The following SLIT2 variants were observed in gnomAD, a reference collection of about 807,000 sequenced individuals.
The protein encoded by SLIT2 is slit guidance ligand 2, also known as slit homolog 2 protein.
In SLIT2, 41 loss-of-function variants were observed where a neutral mutation model predicts 185.7. The observed-to-expected ratio is 0.22, with a 90% CI of 0.17 to 0.29. The LOEUF is 0.29. Ranked by LOEUF, SLIT2 falls within the 10% of genes least tolerant of loss-of-function variation. The pLI is 1.00. For synonymous variants in SLIT2, 693 were observed against 680.2 expected (o/e 1.02, Z -0.29); for missense variants, 1,571 against 1,909.0 (o/e 0.82, Z 3.30).
rs1400310853 is a variant in SLIT2, at chr4:20,484,035, A to C, written c.540-2165A>C. Reference sequence around the variant, plus strand: ...TAAGATAATGTATTCCTTTAGTTGCATTATGTGAACTAACATTTTGAGAAA... The same window carrying C: ...TAAGATAATGTATTCCTTTAGTTGCCTTATGTGAACTAACATTTTGAGAAA... On this transcript the variant is annotated intron_variant, in intron 6 of 36. Coordinates refer to ENST00000504154, the MANE Select transcript of SLIT2 (RefSeq NM_004787.4). This position sits in a 1 kb window ranked among gnomAD's most constrained non-coding sequence, Gnocchi z 4.3. Among the ~76,000 whole-genome samples, 2 of 152,084 alleles carry C rather than the reference A, an allele frequency of 1.3e-5. No homozygotes were observed. The highest frequency in any genetic ancestry group is 2.9e-5 in the Non-Finnish European group (2 of 67,990).
chr4:20,502,680 T>C (rs886953692), intron 9 of SLIT2, among the ~76,000 whole-genome samples: 4 of 151,710 alleles, frequency 2.6e-5, no homozygotes, highest in African/African-American at 7.3e-5. Flanking sequence ...AATGATAGAG[T>C]AGTGTGTTTT....
At chr4:20,392,887 C>G (rs1398762027) in intron 4 of SLIT2, among the ~76,000 whole-genome samples, 1 of 151,992 alleles carries the variant, frequency 6.6e-6, no homozygotes. Flanking sequence ...CCTGAAGAAC[C>G]TGCTTGAGGC....
rs186646273 is a variant in SLIT2, at chr4:20,426,742, A to G, written c.396-41010A>G. On this transcript the variant is annotated intron_variant, in intron 4 of 36. Transcript: ENST00000504154. ...CTGAAAAGCTACAGATGCATAATAA[A>G]AAGATTACCTGTTATTTGATAATGA... Among the ~76,000 whole-genome samples the G allele has an allele frequency of 7.4e-3, 1,126 of 152,278 alleles. 10 individuals are homozygous for G. The highest frequency in any genetic ancestry group is 0.041 in the Middle Eastern group (12 of 294).
chr4:20,370,693 G>A (rs1723499821), intron 4 of SLIT2, among the ~76,000 whole-genome samples: 1 of 152,072 alleles, frequency 6.6e-6, no homozygotes, highest in African/African-American at 2.4e-5. Context: ...AAATGGCTAT[G>A]AGGAAGTGAC....
intron 4 of SLIT2, among the ~76,000 whole-genome samples, chr4:20,335,897 G>A (rs1027594102): frequency 8.0e-6 from 1 of 125,650 alleles, no homozygotes; most frequent in African/African-American, 3.2e-5. Context: ...TGCCCAACAT[G>A]ATGGTATACC....
intron 4 of SLIT2, among the ~76,000 whole-genome samples, chr4:20,305,644 G>A (rs1285200866): frequency 6.6e-6 from 1 of 151,588 alleles, no homozygotes; most frequent in African/African-American, 2.4e-5. Flanking sequence ...AGGCCGAGGT[G>A]GGCAGATCAC....
At chr4:20,616,863 C>T (rs1191374686) in intron 34 of SLIT2, 47 bp from the exon 35 acceptor site, 2 of 1,533,778 alleles carry the variant, frequency 1.3e-6, no homozygotes, top group South Asian at 1.3e-5. Flanking sequence ...GCAAATGGCT[C>T]AGAAATCCCC....
chr4:20,537,239 T>C (rs995393439), intron 18 of SLIT2, among the ~76,000 whole-genome samples: 1 of 152,302 alleles, frequency 6.6e-6, no homozygotes, highest in East Asian at 1.9e-4. Flanking sequence ...GGCAGCACGG[T>C]AGGTTTATTT....
chr4:20,281,526 GTCTGTT>G (rs1290127275), intron 4 of SLIT2, among the ~76,000 whole-genome samples: 1 of 152,198 alleles, frequency 6.6e-6, no homozygotes, highest in African/African-American at 2.4e-5. Context: ...GGAATCTGGA[GTCTGTT>G]TCTAAGAGGA....
chr4:20,482,773 A>G (rs1716830948), intron 6 of SLIT2, among the ~76,000 whole-genome samples: 1 of 151,984 alleles, frequency 6.6e-6, no homozygotes, highest in Non-Finnish European at 1.5e-5. Context: ...AATTTCTTCT[A>G]AAAAGATTGA....
At chr4:20,562,980 A>G (rs912041561) in intron 26 of SLIT2, among the ~76,000 whole-genome samples, 1 of 151,752 alleles carries the variant, frequency 6.6e-6, no homozygotes, top group Non-Finnish European at 1.5e-5. Flanking sequence ...AAAATGAGAT[A>G]CAGTACTCAC....
chr4:20,406,157 A>C lies in SLIT2; in HGVS notation c.396-61595A>C, dbSNP rs143063729. On this transcript the variant is annotated intron_variant, in intron 4 of 36. Transcript: ENST00000504154. The stretch of plus-strand genomic sequence containing the variant: ...TTTATCTCAGACCTACAAAAAAATT[A>C]ATTACATGTAGATTGAATGTTGAAA... 6.4e-3 allele frequency among the ~76,000 whole-genome samples: 926 copies of C among 144,524 alleles called. 41 individuals carry two copies. The highest frequency in any genetic ancestry group is 0.021 in the African/African-American group (870 of 41,252). 94.8% of individuals were successfully genotyped at this position (144,524 alleles called of 152,430 possible). A position where few individuals can be genotyped will look rare whatever the true frequency, so the allele number is the denominator to read the frequency against.
intron 4 of SLIT2, among the ~76,000 whole-genome samples, chr4:20,312,560 T>A (rs1263002761): frequency 6.6e-6 from 1 of 151,444 alleles, no homozygotes; most frequent in Non-Finnish European, 1.5e-5. Flanking sequence ...GATCGTGAGG[T>A]CAGAAGATCG....
intron 9 of SLIT2, among the ~76,000 whole-genome samples, chr4:20,495,942 G>A (rs1718191050): frequency 1.3e-5 from 2 of 151,972 alleles, no homozygotes; most frequent in South Asian, 2.1e-4. Context: ...TAGATGGCAG[G>A]TTTTTATTCC....
chr4:20,334,153 G>T (rs1720298135), intron 4 of SLIT2, among the ~76,000 whole-genome samples: 1 of 152,110 alleles, frequency 6.6e-6, no homozygotes, highest in Admixed American at 6.6e-5. Context: ...CCTCGCTAGA[G>T]AAATTAAATA....
At chr4:20,385,025 C>T in intron 4 of SLIT2, among the ~76,000 whole-genome samples, 1 of 152,110 alleles carries the variant, frequency 6.6e-6, no homozygotes, top group Non-Finnish European at 1.5e-5. Flanking sequence ...TTTTCCTGCT[C>T]CTACTTTCTG....
At chr4:20,369,403 T>C (rs1723389959) in intron 4 of SLIT2, among the ~76,000 whole-genome samples, 1 of 152,140 alleles carries the variant, frequency 6.6e-6, no homozygotes, top group South Asian at 2.1e-4. Context: ...AAAACCCAGC[T>C]GCTGTGGGCT....
At chr4:20,511,594 T>TTTTTTTATTTTTTA (rs1719743713) in intron 11 of SLIT2, among the ~76,000 whole-genome samples, 1 of 115,472 alleles carries the variant, frequency 8.7e-6, no homozygotes, top group African/African-American at 2.9e-5. Flanking sequence ...CTAATTTTTT[T>TTTTTTTATTTTTTA]TTTTTTTTTA....
intron 4 of SLIT2, among the ~76,000 whole-genome samples, chr4:20,277,687 TA>T (rs1714301862): frequency 6.7e-6 from 1 of 149,476 alleles, no homozygotes; most frequent in Non-Finnish European, 1.5e-5. Flanking sequence ...ATTATTCTAT[TA>T]TTTTTAATCA....
Sources: gnomAD v4.1 joint callset for allele counts (sites outside exome capture counted in the v4.1 genomes callset) on GRCh38, gnomAD v4.1.1 for gene constraint, Gnocchi (gnomAD v3.1) non-coding constraint, MANE v1.5 for transcripts, NCBI Gene and HGNC (gene_info 2026-07-23, HGNC 2026-07-21) for gene names.